Variants in DENND2B observed in about 807,000 individuals in gnomAD.
DENND2B encodes the protein DENN domain-containing protein 2B.
In DENND2B, 32 loss-of-function variants were observed where a neutral mutation model predicts 116.0. The observed-to-expected ratio is 0.28, with a 90% CI of 0.21 to 0.37. The LOEUF (loss-of-function observed/expected upper bound fraction) is 0.37, where lower values mean the gene tolerates loss of function less well. Among genes scored for constraint, DENND2B ranks in the 10% least tolerant of loss-of-function variants. The pLI is 1.00. For synonymous variants in DENND2B, 588 were observed against 583.9 expected, an observed-to-expected ratio of 1.01 and a Z score of -0.10; for missense variants, 1,276 against 1,477.7, an observed-to-expected ratio of 0.86 and a Z score of 2.24.
chr11:8,759,748 T>C (rs1018171355), intron 1 of DENND2B, among the ~76,000 whole-genome samples: 1 of 152,112 alleles, frequency 6.6e-6, no homozygotes, highest in Non-Finnish European at 1.5e-5. Flanking sequence ...CCAGCAAACA[T>C]CTCCTCAGAC....
chr11:8,833,891 T>C (rs1355176364), intron 4 of DENND2B, among the ~76,000 whole-genome samples: 1 of 152,214 alleles, frequency 6.6e-6, no homozygotes, highest in East Asian at 1.9e-4. Context: ...ACTCACAGCC[T>C]GGTGCCAGTG....
At chr11:8,782,917 A>C (rs1402140046) in intron 1 of DENND2B, among the ~76,000 whole-genome samples, 1 of 151,860 alleles carries the variant, frequency 6.6e-6, no homozygotes, top group African/African-American at 2.4e-5. Flanking sequence ...GATATTGTTA[A>C]ATAATTTAAG....
At chr11:8,718,326 C>T in intron 4 of DENND2B, 1 of 1,522,880 alleles carries the variant, frequency 6.6e-7, no homozygotes, top group Middle Eastern at 1.7e-4. Flanking sequence ...TGTCCCTTCA[C>T]CCAACTCTCA....
chr11:8,713,950 T>G, intron 8 of DENND2B, 48 bp downstream of exon 8: 1 of 1,595,688 alleles, frequency 6.3e-7, no homozygotes, highest in Non-Finnish European at 8.6e-7. Context: ...GCTGATTCCC[T>G]GCAGCCCTGC....
chr11:8,895,970 G>T (rs998857749), intron 1 of DENND2B, among the ~76,000 whole-genome samples: 1 of 152,080 alleles, frequency 6.6e-6, no homozygotes, highest in African/African-American at 2.4e-5. Context: ...GAAAAAAAAT[G>T]TGGAGGGTAT....
chr11:8,852,009 C>T (rs1204491429), intron 3 of DENND2B, among the ~76,000 whole-genome samples: 1 of 152,140 alleles, frequency 6.6e-6, no homozygotes, highest in East Asian at 1.9e-4. Context: ...AGGAGAAAAA[C>T]GTTATAGGTA....
intron 1 of DENND2B, among the ~76,000 whole-genome samples, chr11:8,766,896 AAAAGG>A (rs1248203542): frequency 6.6e-6 from 1 of 152,208 alleles, no homozygotes; most frequent in Non-Finnish European, 1.5e-5. Context: ...AGTGACTCAG[AAAAGG>A]AAAGGCAAGC....
upstream of DENND2B, among the ~76,000 whole-genome samples, chr11:8,872,886 C>T (rs560566056): frequency 3.9e-5 from 6 of 152,340 alleles, no homozygotes; most frequent in South Asian, 2.1e-4. Flanking sequence ...TTTCTCCAAA[C>T]TCACAATCTA....
rs149246995 is a variant in DENND2B, at chr11:8,699,553, C to T, written c.2721-163G>A. On this transcript the variant is annotated intron_variant, in intron 14 of 19. Coordinates refer to ENST00000313726, the MANE Select transcript of DENND2B (RefSeq NM_213618.2). The stretch of plus-strand genomic sequence containing the variant: ...TGGTAAAGTCCCCGCTTTCCCACTG[C>T]GTAGCGCCTCAAGGACAACAATGCT... 5.2e-3 allele frequency among the ~76,000 whole-genome samples: 785 copies of T among 152,276 alleles called. 2 individuals are homozygous for T. The highest frequency in any genetic ancestry group is 8.7e-3 in the South Asian group (42 of 4,820).
chr11:8,824,487 T>TA (rs1356985406), intron 4 of DENND2B, among the ~76,000 whole-genome samples: 1 of 152,168 alleles, frequency 6.6e-6, no homozygotes, highest in African/African-American at 2.4e-5. Flanking sequence ...TTGCTAAGGA[T>TA]AGTGGCCTCC....
intron 1 of DENND2B, among the ~76,000 whole-genome samples, chr11:8,778,243 G>T (rs1285522016): frequency 5.3e-5 from 8 of 152,214 alleles, no homozygotes; most frequent in Non-Finnish European, 4.4e-5. Flanking sequence ...GCCATAACGA[G>T]CACCTAGTCT....
upstream of DENND2B, among the ~76,000 whole-genome samples, chr11:8,815,617 A>C (rs2061542967): frequency 6.6e-6 from 1 of 152,064 alleles, no homozygotes; most frequent in African/African-American, 2.4e-5. Flanking sequence ...TCAAGGTCCA[A>C]CTCATTTATC....
Position 8,712,572 on chromosome 11 carries a change from T to C in DENND2B, c.2151A>G (p.Glu717=), listed in dbSNP as rs2043962718. The C allele has an allele frequency of 1.3e-6, 2 of 1,553,640 alleles. No individual in the cohort carries two copies. Among genetic ancestry groups the C allele is most frequent in the South Asian group, 1.2e-5 (1 of 84,168 alleles). ...TCACCTTGGGAAACTGGTAGGAGAC[T>C]TCGGGGAGGTAGGTGTTTCGCGATG... ...KKPSRNTYLP[E]VSYQFPKLDR... The change falls in exon 9 of 20, where the codon GAA becomes GAG. Residue 717 remains glutamate, a synonymous_variant. Coordinates refer to ENST00000313726, the MANE Select transcript of DENND2B (RefSeq NM_213618.2). The surrounding 1 kb of genome is among the most constrained non-coding windows in gnomAD (Gnocchi z 4.4).
chr11:8,881,609 C>T (rs183598646), intron 1 of DENND2B, among the ~76,000 whole-genome samples: 1 of 152,280 alleles, frequency 6.6e-6, no homozygotes, highest in African/African-American at 2.4e-5. Flanking sequence ...GATCTCGGCC[C>T]ACTGCAACCT....
chr11:8,807,104 G>A (rs531099888), intron 1 of DENND2B, among the ~76,000 whole-genome samples: 2 of 152,168 alleles, frequency 1.3e-5, no homozygotes, highest in African/African-American at 2.4e-5. Context: ...GGGCTCGGAA[G>A]GGCTGCTGCC....
At chr11:8,900,309 GT>G (rs2064149752) in intron 1 of DENND2B, among the ~76,000 whole-genome samples, 2 of 151,632 alleles carry the variant, frequency 1.3e-5, no homozygotes, top group South Asian at 4.2e-4. Flanking sequence ...GGTGGTGCCT[GT>G]AGTCCCAGCT....
At chr11:8,887,270 T>A (rs7932678) in intron 1 of DENND2B, among the ~76,000 whole-genome samples, 136,792 of 152,218 alleles carry the variant, frequency 0.9, 63,245 homozygotes, top group East Asian at 1. Context: ...TTTTTCTAAC[T>A]TCTCATTTCA....
At chr11:8,872,759 A>C (rs2063802895), upstream of DENND2B, among the ~76,000 whole-genome samples, 1 of 152,172 alleles carries the variant, frequency 6.6e-6, no homozygotes, top group African/African-American at 2.4e-5. Context: ...TTGCTTCTAC[A>C]TTAGGAAAGC....
intron 2 of DENND2B, among the ~76,000 whole-genome samples, chr11:8,876,509 G>C (rs1594329244): frequency 6.6e-6 from 1 of 151,938 alleles, no homozygotes; most frequent in Non-Finnish European, 1.5e-5. Flanking sequence ...TCACAAAAAG[G>C]TTCACTCCAA....
Sources: allele counts gnomAD v4.1 joint callset (sites outside exome capture counted in the v4.1 genomes callset), GRCh38; gene constraint gnomAD v4.1.1; non-coding constraint Gnocchi (gnomAD v3.1); transcripts MANE v1.5; gene names NCBI Gene and HGNC (gene_info 2026-07-23, HGNC 2026-07-21).